Variants in CHSY1 observed in about 807,000 individuals in gnomAD.
CHSY1 encodes the protein N-acetylgalactosaminyl-proteoglycan 3-beta-glucuronosyltransferase 1.
Under a neutral mutation model 59.8 loss-of-function variants are expected in CHSY1, and 13 were observed. The observed-to-expected ratio is 0.22, with a 90% CI of 0.14 to 0.35. The LOEUF is 0.35. CHSY1 is among the 10% of genes least tolerant of loss of function. The probability of loss-of-function intolerance (pLI) is 1.00; values close to 1 mark genes in which losing one functional copy is unlikely to be tolerated. For missense variants in CHSY1, 947 were observed against 1,030.6 expected (o/e 0.92, Z 1.11); for synonymous variants, 459 against 401.2 (o/e 1.14, Z -1.72).
Position 101,178,915 on chromosome 15 carries a change from G to A in CHSY1, c.882C>T (p.Asn294=), listed in dbSNP as rs1408295807. The A allele has an allele frequency of 6.2e-7, 1 of 1,613,960 alleles. No individual in the cohort carries two copies. ...ATGTGATAGCTTGGTGAATTTTACT[G>A]TTATGGAGATCTCTAATGTACCCCT... ...NKKGYIRDLH[N]SKIHQAITLH... Residue 294 remains asparagine, a synonymous_variant, in exon 3 of 3, where the codon AAC becomes AAT. Coordinates refer to ENST00000254190, the MANE Select transcript of CHSY1 (RefSeq NM_014918.5).
intron 2 of CHSY1, among the ~76,000 whole-genome samples, chr15:101,225,256 C>T (rs1191360608): frequency 6.6e-6 from 1 of 151,494 alleles, no homozygotes; most frequent in East Asian, 1.9e-4. Flanking sequence ...TTGGCAGATA[C>T]AGGGTCTTAC....
intron 2 of CHSY1, among the ~76,000 whole-genome samples, chr15:101,188,744 A>G (rs1000460004): frequency 5.3e-5 from 8 of 152,242 alleles, no homozygotes; most frequent in African/African-American, 1.9e-4. Context: ...TAGTAATTCA[A>G]GGCTTCTGCA....
chr15:101,244,448 C>T (rs897342197), intron 1 of CHSY1, among the ~76,000 whole-genome samples: 3 of 152,184 alleles, frequency 2.0e-5, no homozygotes, highest in Admixed American at 6.5e-5. Flanking sequence ...CTGTGCCTAG[C>T]GGACCTCCAC....
At chr15:101,217,974 G>A (rs1383910465) in intron 2 of CHSY1, among the ~76,000 whole-genome samples, 1 of 152,194 alleles carries the variant, frequency 6.6e-6, no homozygotes, top group East Asian at 1.9e-4. Context: ...CATCAACAAC[G>A]ATAAACCATG....
intron 2 of CHSY1, among the ~76,000 whole-genome samples, chr15:101,200,286 A>G: frequency 6.6e-6 from 1 of 152,200 alleles, no homozygotes; most frequent in Non-Finnish European, 1.5e-5. Flanking sequence ...CAAAAATGCC[A>G]TCTATCGACA....
chr15:101,228,305 C>T (rs955031432), intron 2 of CHSY1, among the ~76,000 whole-genome samples: 5 of 151,540 alleles, frequency 3.3e-5, no homozygotes, highest in Non-Finnish European at 7.4e-5. Context: ...GAGAAAGGGG[C>T]AGAAATACTC....
At chr15:101,179,784 C>T (rs761143109) in intron 2 of CHSY1, among the ~76,000 whole-genome samples, 1 of 152,218 alleles carries the variant, frequency 6.6e-6, no homozygotes, top group Non-Finnish European at 1.5e-5. Context: ...CCAACCCTGC[C>T]TCCGCCCCGT....
chr15:101,236,274 T>C (rs2038941236), intron 1 of CHSY1, among the ~76,000 whole-genome samples: 1 of 152,160 alleles, frequency 6.6e-6, no homozygotes, highest in Non-Finnish European at 1.5e-5. Context: ...AATCTCATCT[T>C]GAATGATAGC....
At chr15:101,250,249 G>A (rs1461974716) in intron 1 of CHSY1, among the ~76,000 whole-genome samples, 6 of 152,194 alleles carry the variant, frequency 3.9e-5, no homozygotes, top group Admixed American at 1.3e-4. Context: ...TATCCATACA[G>A]TAAGTGTCTC....
Position 101,251,284 on chromosome 15 carries a change from G to A in CHSY1, c.173C>T (p.Ala58Val). The change falls in exon 1 of 3, where the codon GCC (alanine) becomes GTC (valine). Residue 58 changes from alanine (A) to valine (V), a missense_variant. By Grantham distance (64) the Ala-to-Val change is moderately conservative. This residue lies in a region of CHSY1 where 232 missense variants were observed against 188.5 expected (regional missense o/e 1.23). Transcript: ENST00000254190. The stretch of plus-strand genomic sequence containing the variant: ...GCGCGCATCGCCGCGCGCCCCGCCG[G>A]CCTGGGAAGCCGCCGCCTGCCCGGA... ...CRSGQAAASQ[A>V]GGARGDARGA... 3 of 1,251,002 alleles carry A rather than the reference G, an allele frequency of 2.4e-6. No individual in the cohort carries two copies. The highest frequency in any genetic ancestry group is 3.0e-6 in the Non-Finnish European group (3 of 1,001,444). 77.5% of individuals were successfully genotyped at this position (1,251,002 alleles called of 1,614,324 possible).
chr15:101,205,150 T>C (rs548524350), intron 2 of CHSY1, among the ~76,000 whole-genome samples: 2 of 152,308 alleles, frequency 1.3e-5, no homozygotes, highest in African/African-American at 2.4e-5. Context: ...TATCTTTTTT[T>C]TTCTTTTTTT....
intron 1 of CHSY1, among the ~76,000 whole-genome samples, chr15:101,238,743 T>C (rs909014423): frequency 4.6e-5 from 7 of 152,112 alleles, no homozygotes; most frequent in Non-Finnish European, 1.0e-4. Context: ...AGAACAAGAA[T>C]AACAACAAAA....
At chr15:101,245,305 G>A (rs1362116115) in intron 1 of CHSY1, among the ~76,000 whole-genome samples, 1 of 152,168 alleles carries the variant, frequency 6.6e-6, no homozygotes, top group Non-Finnish European at 1.5e-5. Flanking sequence ...TCATGTTGTA[G>A]GAAACCTGTA....
chr15:101,180,118 T>C (rs1032076258), intron 2 of CHSY1, among the ~76,000 whole-genome samples: 1 of 152,222 alleles, frequency 6.6e-6, no homozygotes, highest in African/African-American at 2.4e-5. Context: ...TGCTGACTCT[T>C]TCCTGAGCCA....
intron 2 of CHSY1, among the ~76,000 whole-genome samples, chr15:101,219,861 A>C (rs1407554733): frequency 2.0e-5 from 3 of 152,100 alleles, no homozygotes; most frequent in Admixed American, 2.0e-4. Context: ...CCACCTCCCA[A>C]GTTCAAGCAA....
At chr15:101,189,929 A>C (rs1370109591) in intron 2 of CHSY1, among the ~76,000 whole-genome samples, 1 of 152,228 alleles carries the variant, frequency 6.6e-6, no homozygotes, top group African/African-American at 2.4e-5. Context: ...GAGTCCTCGG[A>C]GGAAGAGCAA....
rs2039006426 is a variant in CHSY1, at chr15:101,241,901, A to G, written c.321-6324T>C. Among the ~76,000 whole-genome samples the G allele has an allele frequency of 2.0e-5, 3 of 152,362 alleles. No individual in the cohort carries two copies. The South Asian group carries it at 6.2e-4, about 32-fold the overall frequency. ...CCACAGACGCTTTAGTCCCTGATAT[A>G]AAATGGTGCAGTATTTGCTTAAACC... On this transcript the variant is annotated intron_variant, in intron 1 of 2. Coordinates refer to ENST00000254190, the MANE Select transcript of CHSY1 (RefSeq NM_014918.5).
intron 2 of CHSY1, among the ~76,000 whole-genome samples, chr15:101,204,859 C>T (rs1456015226): frequency 6.6e-6 from 1 of 152,174 alleles, no homozygotes; most frequent in African/African-American, 2.4e-5. Flanking sequence ...GAGCCAAGGT[C>T]ACACCACAGC....
chr15:101,228,055 G>A (rs1241892572), intron 2 of CHSY1, among the ~76,000 whole-genome samples: 1 of 151,940 alleles, frequency 6.6e-6, no homozygotes, highest in African/African-American at 2.4e-5. Context: ...GGCGGAAAAA[G>A]CAGCCAATAC....
Sources: allele counts gnomAD v4.1 joint callset (sites outside exome capture counted in the v4.1 genomes callset), GRCh38; gene constraint gnomAD v4.1.1; regional missense constraint gnomAD v4.1.1; transcripts MANE v1.5; gene names NCBI Gene and HGNC (gene_info 2026-07-23, HGNC 2026-07-21).